Variants in PAXBP1 observed in about 807,000 individuals in gnomAD.
PAXBP1 encodes the protein PAX3 and PAX7 binding protein 1.
Under a neutral mutation model 119.9 loss-of-function variants are expected in PAXBP1, and 44 were observed. That is an observed-to-expected ratio of 0.37 (90% confidence interval 0.29 to 0.47). PAXBP1 has a LOEUF of 0.47. Among genes scored for constraint, PAXBP1 ranks in the 20% least tolerant of loss-of-function variants. PAXBP1 has a pLI of 0.99. For synonymous variants in PAXBP1, 393 were observed against 406.6 expected (o/e 0.97, Z 0.40); for missense variants, 898 against 1,134.1 (o/e 0.79, Z 2.99).
chr21:32,743,079 CA>C, intron 15 of PAXBP1, 168 bp downstream of exon 15: 1 of 707,032 alleles, frequency 1.4e-6, no homozygotes. Context: ...GTGAAAATAT[CA>C]AACTTGAATG....
chr21:32,771,307 T>G lies in PAXBP1; in HGVS notation c.343+19A>C, dbSNP rs538448396. ...TCGGGGATGCGGCCGTCTAAGGGCG[T>G]CCGAAGCGCGCACTTTACCTTCCTC... is the stretch of plus-strand genomic sequence containing the variant. On this transcript the variant is annotated intron_variant, in intron 1 of 17. Coordinates refer to ENST00000331923, the MANE Select transcript of PAXBP1 (RefSeq NM_016631.4). 38 of 1,567,186 alleles carry G rather than the reference T, an allele frequency of 2.4e-5. No individual in the cohort carries two copies. The highest frequency in any genetic ancestry group is 2.9e-5 in the Non-Finnish European group (34 of 1,164,738).
intron 16 of PAXBP1, among the ~76,000 whole-genome samples, 154 bp downstream of exon 16, chr21:32,738,019 T>C (rs183955714): frequency 6.6e-6 from 1 of 152,070 alleles, no homozygotes; most frequent in East Asian, 1.9e-4. Context: ...CTGTAGGGGG[T>C]TGGAACTACC....
chr21:32,742,053 T>C (rs1005661771), intron 15 of PAXBP1, among the ~76,000 whole-genome samples: 1 of 152,168 alleles, frequency 6.6e-6, no homozygotes, highest in Admixed American at 6.5e-5. Flanking sequence ...CTTCTCTTCA[T>C]AGGACATAGA....
At chr21:32,768,161 A>AGGAGTC (rs113972899) in intron 2 of PAXBP1, among the ~76,000 whole-genome samples, 1 of 152,154 alleles carries the variant, frequency 6.6e-6, no homozygotes, top group Non-Finnish European at 1.5e-5. Context: ...CCATTATCCC[A>AGGAGTC]GGCTCCTGAT....
At chr21:32,769,296 T>C (rs142292873) in intron 2 of PAXBP1, among the ~76,000 whole-genome samples, 2 of 152,192 alleles carry the variant, frequency 1.3e-5, no homozygotes, top group East Asian at 3.9e-4. Context: ...GAGATGTCTG[T>C]ACAATATACC....
At chr21:32,760,768 C>T (rs2044127033) in intron 5 of PAXBP1, among the ~76,000 whole-genome samples, 1 of 152,048 alleles carries the variant, frequency 6.6e-6, no homozygotes, top group Non-Finnish European at 1.5e-5. Flanking sequence ...CCGGGTAATG[C>T]TAATGCTAAC....
At chr21:32,747,677 G>A (rs936565334) in intron 11 of PAXBP1, among the ~76,000 whole-genome samples, 3 of 151,956 alleles carry the variant, frequency 2.0e-5, no homozygotes, top group Non-Finnish European at 4.4e-5. Context: ...CTTCACCCAC[G>A]TTGGTAACTT....
chr21:32,740,803 T>C (rs913895934), intron 15 of PAXBP1, among the ~76,000 whole-genome samples: 2 of 151,484 alleles, frequency 1.3e-5, no homozygotes, highest in African/African-American at 4.9e-5. Flanking sequence ...AATGGAAAGA[T>C]AAGCCACAAA....
chr21:32,739,560 A>G (rs2043743814), intron 15 of PAXBP1, among the ~76,000 whole-genome samples: 1 of 152,140 alleles, frequency 6.6e-6, no homozygotes, highest in African/African-American at 2.4e-5. Flanking sequence ...ACCTACTTCA[A>G]TCTATTATCT....
chr21:32,762,074 C>G, intron 4 of PAXBP1, 22 bp downstream of exon 4: 1 of 1,613,284 alleles, frequency 6.2e-7, no homozygotes, highest in Non-Finnish European at 8.5e-7. Context: ...AATAGGCTTA[C>G]TATTCAATTA....
chr21:32,744,602 G>C, intron 13 of PAXBP1, among the ~76,000 whole-genome samples, 190 bp downstream of exon 13: 1 of 151,288 alleles, frequency 6.6e-6, no homozygotes, highest in East Asian at 1.9e-4. Flanking sequence ...TGCGGGACTA[G>C]GTATAAAAAA....
chr21:32,771,214 G>A (rs376053848), intron 1 of PAXBP1, 112 bp downstream of exon 1: 5 of 1,026,930 alleles, frequency 4.9e-6, no homozygotes, highest in African/African-American at 3.4e-5. Context: ...CGGACGGCAG[G>A]GGACTCCGTT....
intron 5 of PAXBP1, among the ~76,000 whole-genome samples, chr21:32,760,479 A>G (rs2044121070): frequency 6.6e-6 from 1 of 152,260 alleles, no homozygotes; most frequent in African/African-American, 2.4e-5. Context: ...TTACTTTTAT[A>G]AAACAAATTG....
chr21:32,752,142 G>GC (rs781750679), intron 8 of PAXBP1: 2 of 152,280 alleles, frequency 1.3e-5, no homozygotes, highest in East Asian at 3.8e-4. Context: ...ATCGTTAACT[G>GC]CCTGTTCATA....
chr21:32,765,366 T>TA (rs2044223214), intron 2 of PAXBP1, among the ~76,000 whole-genome samples: 2 of 152,202 alleles, frequency 1.3e-5, no homozygotes, highest in Admixed American at 6.5e-5. Flanking sequence ...ATCTTAATGA[T>TA]AAACTGTCCT....
At chr21:32,758,533 G>A (rs1467975889) in intron 7 of PAXBP1, among the ~76,000 whole-genome samples, 2 of 146,456 alleles carry the variant, frequency 1.4e-5, no homozygotes, top group African/African-American at 5.0e-5. Flanking sequence ...AAACTTGGGA[G>A]AAATGAAACC....
In PAXBP1 at chr21:32,769,902, G is replaced by T; in HGVS notation, c.384C>A (p.Ser128Arg). 6.3e-7 allele frequency: 1 copy of T among 1,575,330 alleles called. No individual in the cohort carries two copies. The change falls in exon 2 of 18, where the codon AGC becomes AGA. Residue 128 changes from serine to arginine, a missense_variant. Coordinates refer to ENST00000331923, the MANE Select transcript of PAXBP1 (RefSeq NM_016631.4). ...TCTTGAGCAATTTTACTATCTTTTTGCTATAACTTGATTTCTTCACTTTGA... is the reference window on the plus strand; with the variant it reads ...TCTTGAGCAATTTTACTATCTTTTTTCTATAACTTGATTTCTTCACTTTGA... ...EVFKVKKSSY[S>R]KKIVKLLKKE... is the part of the protein sequence containing the mutation.
intron 12 of PAXBP1, 34 bp downstream of exon 12, chr21:32,745,540 T>A: frequency 6.2e-7 from 1 of 1,611,238 alleles, no homozygotes. Flanking sequence ...AGCCAGTGTG[T>A]CTGAATGCTC....
intron 10 of PAXBP1, among the ~76,000 whole-genome samples, chr21:32,750,166 G>C (rs1288135116): frequency 1.3e-5 from 2 of 152,148 alleles, no homozygotes; most frequent in East Asian, 3.9e-4. Context: ...TACTCATTTA[G>C]AGGAAACACA....
Sources: allele counts gnomAD v4.1 joint callset (sites outside exome capture counted in the v4.1 genomes callset), GRCh38; gene constraint gnomAD v4.1.1; transcripts MANE v1.5; gene names NCBI Gene and HGNC (gene_info 2026-07-23, HGNC 2026-07-21).